The following DPP6 variants were observed in gnomAD, a reference collection of about 807,000 sequenced individuals.
DPP6 encodes dipeptidyl peptidase like 6.
Under a neutral mutation model 122.6 loss-of-function variants are expected in DPP6, and 69 were observed. The observed-to-expected ratio is 0.56, with a 90% CI of 0.46 to 0.69. The LOEUF (loss-of-function observed/expected upper bound fraction) is 0.69. Ranked by LOEUF, DPP6 falls within the 30% of genes least tolerant of loss-of-function variation. The probability of loss-of-function intolerance (pLI) is 0.00; values close to 1 mark genes in which losing one functional copy is unlikely to be tolerated. For synonymous variants in DPP6, 418 were observed against 433.1 expected (o/e 0.97, Z 0.43); for missense variants, 928 against 1,116.9 (o/e 0.83, Z 2.41).
the DPP6 span, among the ~76,000 whole-genome samples, chr7:153,788,072 T>C: frequency 6.6e-6 from 1 of 152,220 alleles, no homozygotes; most frequent in East Asian, 1.9e-4. Context: ...AAATTCTAAG[T>C]TCTTCAAGAC....
intron 3 of DPP6, among the ~76,000 whole-genome samples, chr7:154,477,643 G>A (rs1822869194): frequency 6.6e-6 from 1 of 152,148 alleles, no homozygotes; most frequent in Non-Finnish European, 1.5e-5. Flanking sequence ...CAAATGAATG[G>A]AGTCTGCCCA....
At chr7:154,071,985 G>T (rs1055004913) in intron 1 of DPP6, among the ~76,000 whole-genome samples, 18 of 152,112 alleles carry the variant, frequency 1.2e-4, no homozygotes, top group Non-Finnish European at 4.4e-5. Flanking sequence ...TCATCCACGT[G>T]CCTGGTACAC....
At chr7:154,566,212 A>G (rs959905287) in intron 4 of DPP6, among the ~76,000 whole-genome samples, 1 of 152,234 alleles carries the variant, frequency 6.6e-6, no homozygotes, top group Non-Finnish European at 1.5e-5. Flanking sequence ...GTTTCTAAAC[A>G]TATCAAGAGG....
intron 1 of DPP6, among the ~76,000 whole-genome samples, chr7:154,018,019 A>C (rs1427015708): frequency 6.6e-6 from 1 of 152,178 alleles, no homozygotes; most frequent in Non-Finnish European, 1.5e-5. Context: ...ATGAAGGAGG[A>C]ACACCTGATC....
intron 12 of DPP6, 105 bp from the exon 13 acceptor site, chr7:154,801,250 G>T: frequency 6.8e-7 from 1 of 1,471,958 alleles, no homozygotes; most frequent in Non-Finnish European, 9.2e-7. Context: ...CCTCTCCTTA[G>T]AAATCACATA....
chr7:154,022,057 A>G (rs1798730109), intron 1 of DPP6, among the ~76,000 whole-genome samples: 1 of 152,080 alleles, frequency 6.6e-6, no homozygotes, highest in African/African-American at 2.4e-5. Context: ...AATGGGAGGA[A>G]TCCTAGAACT....
intron 5 of DPP6, among the ~76,000 whole-genome samples, chr7:154,571,212 A>C (rs1831088870): frequency 6.6e-6 from 1 of 152,210 alleles, no homozygotes; most frequent in Admixed American, 6.5e-5. Flanking sequence ...GCCTTAAAAC[A>C]AATGTATCTA....
chr7:154,834,685 C>G (rs950539626), intron 16 of DPP6, among the ~76,000 whole-genome samples: 5 of 152,246 alleles, frequency 3.3e-5, no homozygotes, highest in Non-Finnish European at 5.9e-5. Flanking sequence ...AGTGCAAGAC[C>G]TTCACTAGAC....
At chr7:154,219,382 A>G (rs1310449303) in intron 1 of DPP6, among the ~76,000 whole-genome samples, 1 of 152,184 alleles carries the variant, frequency 6.6e-6, no homozygotes, top group East Asian at 1.9e-4. Flanking sequence ...AATACACATC[A>G]TCATGGTTCT....
intron 1 of DPP6, among the ~76,000 whole-genome samples, chr7:154,407,750 TG>T (rs1262637588): frequency 1.3e-5 from 2 of 152,208 alleles, no homozygotes; most frequent in East Asian, 3.9e-4. Flanking sequence ...TTGAGGAGCA[TG>T]TGAATTCCAG....
chr7:154,865,036 G>A (rs1346661080), intron 17 of DPP6, among the ~76,000 whole-genome samples: 1 of 152,142 alleles, frequency 6.6e-6, no homozygotes, highest in Admixed American at 6.5e-5. Context: ...CATATATATG[G>A]AGACAAGAGC....
intron 5 of DPP6, among the ~76,000 whole-genome samples, chr7:154,608,319 T>TTATATA (rs1563922092): frequency 1.2e-5 from 1 of 81,378 alleles, no homozygotes; most frequent in Admixed American, 1.5e-4. Context: ...TTAGGAGTGA[T>TTATATA]CATATATATA....
At chr7:154,409,356 A>G (rs912499550) in intron 1 of DPP6, among the ~76,000 whole-genome samples, 3 of 152,224 alleles carry the variant, frequency 2.0e-5, no homozygotes, top group African/African-American at 7.2e-5. Context: ...CCAAGGGCAG[A>G]GGCCGCAGAT....
In DPP6 at chr7:154,145,412, G is replaced by T. The variant is rs182732552; in HGVS notation, c.243+92349G>T. Among the ~76,000 whole-genome samples, 611 of 152,294 alleles carry T rather than the reference G, an allele frequency of 4.0e-3. 4 individuals are homozygous for T. The highest frequency in any genetic ancestry group is 7.3e-3 in the Non-Finnish European group (495 of 68,010). On this transcript the variant is annotated intron_variant, in intron 1 of 25. Transcript: ENST00000377770. ...CTAACAGCCACTGAGCTTGGAAGAGGACTCTAAGCCCAAGAAAGAAATATA... is the reference window on the plus strand; with the variant it reads ...CTAACAGCCACTGAGCTTGGAAGAGTACTCTAAGCCCAAGAAAGAAATATA...
chr7:154,727,985 A>G, intron 8 of DPP6, 98 bp downstream of exon 8: 1 of 1,492,212 alleles, frequency 6.7e-7, no homozygotes, highest in Non-Finnish European at 8.9e-7. Flanking sequence ...CTTTAACTGT[A>G]AATTAAACTC....
At chr7:154,126,769 A>G (rs375888486) in intron 1 of DPP6, among the ~76,000 whole-genome samples, 3,477 of 152,198 alleles carry the variant, frequency 0.023, 137 homozygotes, top group African/African-American at 0.079. Flanking sequence ...TGCAGACATT[A>G]AAAAGGATTT....
chr7:154,101,854 G>A (rs1484496881), intron 1 of DPP6, among the ~76,000 whole-genome samples: 3 of 150,406 alleles, frequency 2.0e-5, no homozygotes, highest in Admixed American at 1.3e-4. Context: ...CTTGAACCTG[G>A]GAGGCAGAGG....
rs568623320 is a variant in DPP6, at chr7:154,144,066, G to C, written c.243+91003G>C. On this transcript the variant is annotated intron_variant, in intron 1 of 25. Transcript: ENST00000377770. ...TCTAATCAGACATTCTCAACACAAG[G>C]CTTTATCATTCTTTTTAATTGTTGC... 5.3e-5 allele frequency among the ~76,000 whole-genome samples: 8 copies of C among 151,736 alleles called. No individual in the cohort carries two copies. In the South Asian group the frequency reaches 6.3e-4, roughly 12 times the overall value.
chr7:154,581,012 G>A (rs890768580), intron 5 of DPP6, among the ~76,000 whole-genome samples: 1 of 152,156 alleles, frequency 6.6e-6, no homozygotes, highest in African/African-American at 2.4e-5. Flanking sequence ...AACAGCCTCT[G>A]TTCCCTCCGC....
Sources: gnomAD v4.1 joint callset for allele counts (sites outside exome capture counted in the v4.1 genomes callset) on GRCh38, gnomAD v4.1.1 for gene constraint, MANE v1.5 for transcripts, NCBI Gene and HGNC (gene_info 2026-07-23, HGNC 2026-07-21) for gene names.